UBE3A: variants seen among roughly 807,000 people sequenced by gnomAD.
The protein encoded by UBE3A is ubiquitin-protein ligase E3A.
A neutral mutation model predicts 83.4 loss-of-function variants in UBE3A; 6 were observed. That is an observed-to-expected ratio of 0.07 (90% CI 0.04 to 0.14). UBE3A has a LOEUF of 0.14. UBE3A is among the 10% of genes least tolerant of loss of function. UBE3A has a pLI of 1.00. For missense variants in UBE3A, 456 were observed against 1,036.1 expected, an observed-to-expected ratio of 0.44 and a Z score of 7.69; for synonymous variants, 337 against 355.4, an observed-to-expected ratio of 0.95 and a Z score of 0.58.
At chr15:25,343,677 A>T (rs1566841564) in intron 11 of UBE3A, among the ~76,000 whole-genome samples, 1 of 152,210 alleles carries the variant, frequency 6.6e-6, no homozygotes, top group Non-Finnish European at 1.5e-5. Flanking sequence ...TGGCAAAAAA[A>T]TCCTATAAGC....
chr15:25,354,776 G>GA (rs562275288), intron 9 of UBE3A, 93 bp from the exon 10 acceptor site: 9 of 1,183,090 alleles, frequency 7.6e-6, no homozygotes, highest in Non-Finnish European at 1.1e-5. Flanking sequence ...ATTTTTCCAA[G>GA]AAAAAAACAT....
chr15:25,399,574 CTTTT>C (rs142392819), intron 4 of UBE3A, among the ~76,000 whole-genome samples: 1,969 of 151,858 alleles, frequency 0.013, 40 homozygotes, highest in African/African-American at 0.045. Flanking sequence ...TTTTTTGTTT[CTTTT>C]GTTTTTAAAA....
chr15:25,372,320 T>C (rs1436554590), intron 5 of UBE3A, among the ~76,000 whole-genome samples: 3 of 152,256 alleles, frequency 2.0e-5, no homozygotes, highest in East Asian at 1.9e-4. Flanking sequence ...ATCAAACTGG[T>C]TCATTTTGGG....
At chr15:25,372,785 C>T (rs181299194) in intron 5 of UBE3A, among the ~76,000 whole-genome samples, 133 of 152,244 alleles carry the variant, frequency 8.7e-4, no homozygotes, top group Admixed American at 1.8e-3. Flanking sequence ...AGATTAACTA[C>T]TTGAGAGGTT....
chr15:25,411,451 G>A (rs926694863), intron 2 of UBE3A, among the ~76,000 whole-genome samples: 2 of 152,172 alleles, frequency 1.3e-5, no homozygotes, highest in African/African-American at 4.8e-5. Flanking sequence ...TTAGCCAGGT[G>A]TGGTGGCACA....
At chr15:25,359,676 A>G (rs1480033263) in intron 7 of UBE3A, among the ~76,000 whole-genome samples, 1 of 152,166 alleles carries the variant, frequency 6.6e-6, no homozygotes, top group African/African-American at 2.4e-5. Context: ...TTTACAGTAG[A>G]AACTGAACCA....
intron 5 of UBE3A, chr15:25,374,633 A>C (rs2080885243): frequency 6.6e-6 from 1 of 152,230 alleles, no homozygotes; most frequent in African/African-American, 2.4e-5. Flanking sequence ...AATTCTTTCA[A>C]ACTTGATTCA....
rs546917977 is a variant in UBE3A, at chr15:25,338,883, C to CA, written c.*253dup. 149 of 196,520 alleles carry CA rather than the reference C, an allele frequency of 7.6e-4. 2 individuals are homozygous for CA. The highest frequency in any genetic ancestry group is 2.3e-4 in the East Asian group (2 of 8,728). 12.2% of individuals were successfully genotyped at this position (196,520 alleles called of 1,614,324 possible). The stretch of plus-strand genomic sequence containing the variant: ...TGAAAGAATATGTAACACTTTCACG[C>CA]AAAAAAATAATTATAATAATAATAA... On this transcript the variant is annotated 3_prime_UTR_variant, in exon 13 of 13. Transcript: ENST00000648336.
chr15:25,358,170 A>G (rs927469980), intron 7 of UBE3A, among the ~76,000 whole-genome samples: 1 of 152,014 alleles, frequency 6.6e-6, no homozygotes, highest in Non-Finnish European at 1.5e-5. Context: ...TCAGGAGTTC[A>G]AGACCAGCCT....
chr15:25,411,358 G>A (rs1014529688), intron 2 of UBE3A, among the ~76,000 whole-genome samples: 2 of 152,252 alleles, frequency 1.3e-5, no homozygotes, highest in Admixed American at 6.5e-5. Flanking sequence ...GGGAGGCCAA[G>A]GCGGGTGGAT....
At chr15:25,355,784 G>GTTTTT in intron 9 of UBE3A, 108 bp downstream of exon 9, 4 of 983,426 alleles carry the variant, frequency 4.1e-6, no homozygotes, top group South Asian at 1.7e-5. Context: ...TTAGTTACTT[G>GTTTTT]TTTTTTTTTT....
At chr15:25,389,042 C>A (rs2083715759) in intron 4 of UBE3A, among the ~76,000 whole-genome samples, 1 of 152,224 alleles carries the variant, frequency 6.6e-6, no homozygotes, top group East Asian at 1.9e-4. Context: ...CAGATGGACA[C>A]TACTGATTTC....
chr15:25,373,086 T>G (rs17115526), intron 5 of UBE3A, among the ~76,000 whole-genome samples: 5,647 of 152,288 alleles, frequency 0.037, 338 homozygotes, highest in African/African-American at 0.13. Flanking sequence ...TTCTCAGGTT[T>G]GTTCTATTAA....
At chr15:25,343,966 T>C (rs1415057339) in intron 11 of UBE3A, among the ~76,000 whole-genome samples, 1 of 152,210 alleles carries the variant, frequency 6.6e-6, no homozygotes, top group Non-Finnish European at 1.5e-5. Flanking sequence ...CACATTCTGT[T>C]TGGAAAGTTT....
intron 7 of UBE3A, among the ~76,000 whole-genome samples, 166 bp downstream of exon 7, chr15:25,360,217 A>T (rs1214379507): frequency 6.6e-6 from 1 of 152,236 alleles, no homozygotes; most frequent in East Asian, 1.9e-4. Context: ...GATACAAATC[A>T]GTTCCTAAAA....
At chr15:25,405,804 G>A (rs1002475712) in intron 3 of UBE3A, among the ~76,000 whole-genome samples, 1 of 152,094 alleles carries the variant, frequency 6.6e-6, no homozygotes, top group East Asian at 1.9e-4. Context: ...AGTCAAATAC[G>A]TGTAATAAAA....
At chr15:25,410,370 T>TA (rs1437026069) in intron 2 of UBE3A, among the ~76,000 whole-genome samples, 1 of 152,170 alleles carries the variant, frequency 6.6e-6, no homozygotes, top group East Asian at 1.9e-4. Context: ...ACTGACACTG[T>TA]AGTTCTGGCA....
intron 6 of UBE3A, among the ~76,000 whole-genome samples, chr15:25,367,586 C>T (rs910862517): frequency 6.6e-6 from 1 of 151,950 alleles, no homozygotes; most frequent in Non-Finnish European, 1.5e-5. Context: ...CTAAAATTCA[C>T]TTTTTTCACA....
intron 4 of UBE3A, among the ~76,000 whole-genome samples, chr15:25,384,136 C>G (rs2082668185): frequency 6.6e-6 from 1 of 151,872 alleles, no homozygotes. Context: ...ATATTTTCAC[C>G]AAGCAAATGA....
Sources: gnomAD v4.1 joint callset for allele counts (sites outside exome capture counted in the v4.1 genomes callset) on GRCh38, gnomAD v4.1.1 for gene constraint, MANE v1.5 for transcripts, NCBI Gene and HGNC (gene_info 2026-07-23, HGNC 2026-07-21) for gene names.